The following SUGCT variants were observed in gnomAD, a reference collection of about 807,000 sequenced individuals.
SUGCT encodes the protein succinyl-CoA:glutarate-CoA transferase.
SUGCT carries 41 observed loss-of-function variants against 55.0 expected under a neutral mutation model. The ratio of observed to expected loss-of-function variants is 0.74; its 90% CI spans 0.58 to 0.97. The LOEUF is 0.97. Ranked by LOEUF, SUGCT falls within the 50% of genes least tolerant of loss-of-function variation. The pLI, the probability that SUGCT is intolerant of heterozygous loss-of-function variation, is 0.00. For synonymous variants in SUGCT, 187 were observed against 200.4 expected, an observed-to-expected ratio of 0.93 and a Z score of 0.56; for missense variants, 568 against 547.8, an observed-to-expected ratio of 1.04 and a Z score of -0.37.
chr7:40,902,146 GAC>G, the SUGCT span, among the ~76,000 whole-genome samples: 2 of 152,172 alleles, frequency 1.3e-5, no homozygotes, highest in Admixed American at 1.3e-4. Flanking sequence ...CCAAGTAACA[GAC>G]ACCGTGAAAT....
At chr7:40,302,196 T>C (rs77749403) in intron 8 of SUGCT, among the ~76,000 whole-genome samples, 41 of 152,300 alleles carry the variant, frequency 2.7e-4, no homozygotes, top group Middle Eastern at 3.4e-3. Flanking sequence ...GCCTTTGATA[T>C]ACATTCAACA....
rs555218707 is a variant in SUGCT at position 40,139,283 on chromosome 7, C to T, written c.100+4163C>T. Among the ~76,000 whole-genome samples the T allele has an allele frequency of 2.6e-5, 4 of 152,274 alleles. No individual in the cohort carries two copies. In the South Asian group the frequency reaches 8.3e-4, roughly 32 times the overall value. On this transcript the variant is annotated intron_variant, in intron 1 of 13. Transcript: ENST00000335693. ...CAAGATCTCAGCTCACTGCAACCTCCACCTCCTGGGTTCAAGGATTGTTCT... is the reference window on the plus strand; with the variant it reads ...CAAGATCTCAGCTCACTGCAACCTCTACCTCCTGGGTTCAAGGATTGTTCT...
chr7:41,007,478 G>T, the SUGCT span, among the ~76,000 whole-genome samples: 3 of 152,332 alleles, frequency 2.0e-5, no homozygotes, highest in East Asian at 1.9e-4. Context: ...CTGGCCAAGA[G>T]TATTGTTCCT....
At chr7:40,261,109 G>A (rs1791194590) in intron 7 of SUGCT, among the ~76,000 whole-genome samples, 1 of 152,134 alleles carries the variant, frequency 6.6e-6, no homozygotes, top group Non-Finnish European at 1.5e-5. Flanking sequence ...ACTTTCTCCA[G>A]TGAAAGTCTA....
chr7:40,336,079 T>G (rs1796683418), intron 9 of SUGCT, among the ~76,000 whole-genome samples: 1 of 152,190 alleles, frequency 6.6e-6, no homozygotes, highest in Non-Finnish European at 1.5e-5. Flanking sequence ...GAACCAGCCT[T>G]GCATCCCAGG....
At chr7:40,879,073 T>G in the SUGCT span, among the ~76,000 whole-genome samples, 2 of 152,140 alleles carry the variant, frequency 1.3e-5, no homozygotes, top group African/African-American at 4.8e-5. Context: ...ATTACAGGCA[T>G]GAACCACCGC....
intron 12 of SUGCT, among the ~76,000 whole-genome samples, chr7:40,638,973 A>T (rs1384100502): frequency 6.6e-6 from 1 of 152,168 alleles, no homozygotes; most frequent in African/African-American, 2.4e-5. Context: ...ACCAAAGAAA[A>T]CTGATTGGAA....
At chr7:40,726,089 A>G (rs578060900) in intron 12 of SUGCT, among the ~76,000 whole-genome samples, 30 of 152,140 alleles carry the variant, frequency 2.0e-4, no homozygotes, top group Non-Finnish European at 4.1e-4. Context: ...TACTCACTTA[A>G]TATTAGCAAT....
chr7:40,521,310 G>A (rs1031785623), intron 12 of SUGCT, among the ~76,000 whole-genome samples: 1 of 152,074 alleles, frequency 6.6e-6, no homozygotes, highest in African/African-American at 2.4e-5. Flanking sequence ...TGCTTTCCCT[G>A]CCTATCTTTC....
At chr7:40,772,609 A>ATCTATCTT (rs1789223549) in intron 13 of SUGCT, among the ~76,000 whole-genome samples, 1 of 149,576 alleles carries the variant, frequency 6.7e-6, no homozygotes, top group African/African-American at 2.5e-5. Context: ...CTATCTATCT[A>ATCTATCTT]TCTATCTATC....
At chr7:40,275,434 T>C (rs545788755) in intron 8 of SUGCT, among the ~76,000 whole-genome samples, 1 of 152,342 alleles carries the variant, frequency 6.6e-6, no homozygotes, top group South Asian at 2.1e-4. Context: ...TTTTGCATTA[T>C]TAAAAATATA....
intron 8 of SUGCT, among the ~76,000 whole-genome samples, chr7:40,297,399 C>CTG (rs1327871097): frequency 1.3e-5 from 2 of 151,926 alleles, no homozygotes; most frequent in Non-Finnish European, 2.9e-5. Flanking sequence ...ATGAAACATG[C>CTG]TGATGGCGTA....
the SUGCT span, among the ~76,000 whole-genome samples, chr7:40,944,678 G>C: frequency 2.1e-4 from 32 of 152,176 alleles, no homozygotes; most frequent in Admixed American, 2.1e-3. Flanking sequence ...TAGCCTTTTA[G>C]TATAGTTTGA....
intron 13 of SUGCT, among the ~76,000 whole-genome samples, chr7:40,811,273 TA>T (rs1366333192): frequency 1.3e-5 from 2 of 152,164 alleles, no homozygotes; most frequent in Non-Finnish European, 2.9e-5. Context: ...ATATGAACTT[TA>T]GAATAGTTTT....
chr7:40,573,567 T>G (rs1796567251), intron 12 of SUGCT, among the ~76,000 whole-genome samples: 1 of 152,228 alleles, frequency 6.6e-6, no homozygotes, highest in Non-Finnish European at 1.5e-5. Flanking sequence ...TAATCTGTTT[T>G]GTATGGTGAA....
At chr7:40,565,461 T>C (rs1299900582) in intron 12 of SUGCT, among the ~76,000 whole-genome samples, 1 of 152,222 alleles carries the variant, frequency 6.6e-6, no homozygotes. Flanking sequence ...CATTATTTCT[T>C]ATATTAATTC....
chr7:40,457,481 G>A (rs1789552954), intron 10 of SUGCT, among the ~76,000 whole-genome samples: 1 of 151,824 alleles, frequency 6.6e-6, no homozygotes, highest in African/African-American at 2.4e-5. Context: ...GTACCTAGTT[G>A]GAATATTTCA....
chr7:41,011,117 G>A, the SUGCT span, among the ~76,000 whole-genome samples: 9 of 152,168 alleles, frequency 5.9e-5, no homozygotes, highest in Non-Finnish European at 8.8e-5. Context: ...TCTAGATTAT[G>A]ACAGTTCTAT....
At chr7:40,861,369 A>G (rs1464269709), downstream of SUGCT, among the ~76,000 whole-genome samples, 4 of 152,250 alleles carry the variant, frequency 2.6e-5, no homozygotes, top group Non-Finnish European at 5.9e-5. Context: ...TGAAGACTAG[A>G]TCATGCCTTA....
Sources: allele counts gnomAD v4.1 joint callset (sites outside exome capture counted in the v4.1 genomes callset), GRCh38; gene constraint gnomAD v4.1.1; transcripts MANE v1.5; gene names NCBI Gene and HGNC (gene_info 2026-07-23, HGNC 2026-07-21).